DENND2A: variants seen among roughly 807,000 people sequenced by gnomAD.
DENND2A encodes DENN domain containing 2A, also known as DENN domain-containing protein 2A.
A neutral mutation model predicts 105.3 loss-of-function variants in DENND2A; 53 were observed. The observed-to-expected ratio is 0.50, with a 90% CI of 0.40 to 0.63. The LOEUF (loss-of-function observed/expected upper bound fraction) is 0.63, where lower values mean the gene tolerates loss of function less well. DENND2A is among the 30% of genes least tolerant of loss of function. DENND2A has a pLI of 0.00. For synonymous variants in DENND2A, 522 were observed against 508.4 expected (o/e 1.03, Z -0.36); for missense variants, 1,138 against 1,279.6 (o/e 0.89, Z 1.69).
At chr7:140,607,210 T>C (rs1408681451) in intron 1 of DENND2A, among the ~76,000 whole-genome samples, 1 of 152,196 alleles carries the variant, frequency 6.6e-6, no homozygotes, top group Non-Finnish European at 1.5e-5. Flanking sequence ...GGCTGCCTGA[T>C]GTCCTGGCCT....
chr7:140,602,205 TGGG>T lies in DENND2A; in HGVS notation c.190_192del (p.Pro64del). Reference sequence around the variant, plus strand: ...TCCTCCTGTCCGTCTGCTCTCCTGCTGGGTGCAGGAGTGGGCACCTCTTTCTTC... The same window carrying T: ...TCCTCCTGTCCGTCTGCTCTCCTGCTTGCAGGAGTGGGCACCTCTTTCTTC... On this transcript the variant is annotated inframe_deletion, in exon 3 of 20. Transcript: ENST00000496613. 6.2e-7 allele frequency: 1 copy of T among 1,614,184 alleles called. No homozygotes were observed. Among genetic ancestry groups the T allele is most frequent in the Admixed American group, 1.7e-5 (1 of 60,026 alleles).
chr7:140,538,707 T>G (rs1796538046), intron 14 of DENND2A, among the ~76,000 whole-genome samples: 1 of 151,974 alleles, frequency 6.6e-6, no homozygotes, highest in African/African-American at 2.4e-5. Flanking sequence ...GGTTTCACCA[T>G]GTTGGCCAGG....
At chr7:140,587,885 G>C in intron 3 of DENND2A, 105 bp from the exon 4 acceptor site, 1 of 1,195,758 alleles carries the variant, frequency 8.4e-7, no homozygotes, top group Non-Finnish European at 1.1e-6. Context: ...CTTTTTCTTA[G>C]AAAAATTGTT....
intron 14 of DENND2A, 104 bp downstream of exon 14, chr7:140,544,514 A>T (rs1411858108): frequency 4.1e-6 from 6 of 1,474,092 alleles, no homozygotes; most frequent in Non-Finnish European, 5.6e-6. Context: ...CTTATCTCAG[A>T]AGGGCTTACT....
chr7:140,628,696 C>T (rs1049179957), intron 1 of DENND2A, among the ~76,000 whole-genome samples: 12 of 151,912 alleles, frequency 7.9e-5, no homozygotes, highest in African/African-American at 2.9e-4. Flanking sequence ...TGCGCCACCA[C>T]GCCCGGCCAA....
At chr7:140,555,219 C>G (rs190333336) in intron 12 of DENND2A, among the ~76,000 whole-genome samples, 1 of 151,784 alleles carries the variant, frequency 6.6e-6, no homozygotes, top group African/African-American at 2.4e-5. Flanking sequence ...CTGCAACCTC[C>G]GCCTCCCGGG....
chr7:140,616,440 G>A (rs1421898644), intron 1 of DENND2A, among the ~76,000 whole-genome samples: 1 of 152,118 alleles, frequency 6.6e-6, no homozygotes, highest in Non-Finnish European at 1.5e-5. Flanking sequence ...GTGAGGCGGG[G>A]AAGTAAGAAG....
At position 140,638,487 on chromosome 7, in the gene DENND2A, G is replaced by A. The variant is rs564280153; in HGVS notation, c.-248+2017C>T. Among the ~76,000 whole-genome samples the A allele has an allele frequency of 2.6e-5, 4 of 152,238 alleles. No individual in the cohort carries two copies. The South Asian group carries it at 8.3e-4, about 32-fold the overall frequency. On this transcript the variant is annotated intron_variant, in intron 1 of 19. Transcript: ENST00000496613. ...AATTCTGGCCTGGGTGTTGCAAAAA[G>A]CCTTGGTCTCCTCCTCCTCCTCCAG...
At chr7:140,593,750 CCCACCCACTT>C (rs965462980) in intron 3 of DENND2A, among the ~76,000 whole-genome samples, 30 of 152,170 alleles carry the variant, frequency 2.0e-4, no homozygotes, top group Admixed American at 1.0e-3. Flanking sequence ...ATCTCTTGAA[CCCACCCACTT>C]CTCTCAGTCC....
chr7:140,530,059 CA>C (rs3042405), intron 14 of DENND2A, among the ~76,000 whole-genome samples: 391 of 122,320 alleles, frequency 3.2e-3, no homozygotes, highest in South Asian at 6.7e-3. Flanking sequence ...CCCTGTTTCT[CA>C]AAAAAAAAAA....
At chr7:140,623,278 GCAC>G (rs1563184251) in intron 1 of DENND2A, among the ~76,000 whole-genome samples, 1 of 140,222 alleles carries the variant, frequency 7.1e-6, no homozygotes, top group African/African-American at 2.7e-5. Flanking sequence ...TCATGCCACC[GCAC>G]TCCAGCCTGG....
rs751846011 is a variant in DENND2A at position 140,583,737 on chromosome 7, G to GGC, written c.1245+1851_1245+1852insGC. ...AAGGTCAGGAGATCGAGACCATCCT[G>GGC]TGAATGGTGAAACCCCGTCTCTACT... is the stretch of plus-strand genomic sequence containing the variant. On this transcript the variant is annotated intron_variant, in intron 5 of 19. Transcript: ENST00000496613. 2.6e-3 allele frequency among the ~76,000 whole-genome samples: 392 copies of GGC among 148,706 alleles called. 4 individuals carry two copies. Among genetic ancestry groups the GGC allele is most frequent in the Non-Finnish European group, 3.0e-3 (205 of 67,836 alleles).
intron 1 of DENND2A, among the ~76,000 whole-genome samples, chr7:140,615,565 C>G (rs1585761368): frequency 6.7e-6 from 1 of 149,614 alleles, no homozygotes; most frequent in Admixed American, 6.7e-5. Flanking sequence ...TGAGACGGAG[C>G]CTCGCTCTGT....
At chr7:140,525,664 G>T in intron 16 of DENND2A, 87 bp downstream of exon 16, 1 of 1,271,918 alleles carries the variant, frequency 7.9e-7, no homozygotes, top group Non-Finnish European at 1.1e-6. Context: ...CAATCCCAAA[G>T]AGCCTTTCCA....
At position 140,632,964 on chromosome 7, in the gene DENND2A, C is replaced by T. The variant is rs1294534274; in HGVS notation, c.-248+7540G>A. Among the ~76,000 whole-genome samples, 11 of 147,740 alleles carry T rather than the reference C, an allele frequency of 7.4e-5. No individual in the cohort carries two copies. The South Asian group carries it at 1.1e-3, about 15-fold the overall frequency. ...GCAACCTCCACCTCCTGGGTTCAAG[C>T]GATTCTCCTGCCTCAGCCTCCTGAG... On this transcript the variant is annotated intron_variant, in intron 1 of 19. Coordinates refer to ENST00000496613, the MANE Select transcript of DENND2A (RefSeq NM_015689.5).
At chr7:140,619,500 C>CT (rs57839820) in intron 1 of DENND2A, among the ~76,000 whole-genome samples, 218 of 144,628 alleles carry the variant, frequency 1.5e-3, no homozygotes, top group East Asian at 2.6e-3. Context: ...AAACTCTGCA[C>CT]TTTTTTTTTT....
chr7:140,582,982 T>C (rs1264034934), intron 5 of DENND2A, among the ~76,000 whole-genome samples: 1 of 152,102 alleles, frequency 6.6e-6, no homozygotes, highest in East Asian at 1.9e-4. Context: ...TATAATCTAG[T>C]TGGGGAGATG....
At chr7:140,525,721 G>C in intron 16 of DENND2A, 30 bp downstream of exon 16, 2 of 1,594,798 alleles carry the variant, frequency 1.3e-6, no homozygotes, top group Non-Finnish European at 1.7e-6. Context: ...AAGACAAAGG[G>C]AGCAGGAGGC....
Position 140,522,062 on chromosome 7 carries a change from C to T in DENND2A, c.2704G>A (p.Ala902Thr). Reference protein sequence around the residue: ...SSPLNEVVSEAFVRFFVEIVG... With the variant: ...SSPLNEVVSETFVRFFVEIVG... ...ATCTCCACGAAGAAGCGGACAAAGGCTTCAGACACCACCTCGTTCAAGGGG... is the reference window on the plus strand; with the variant it reads ...ATCTCCACGAAGAAGCGGACAAAGGTTTCAGACACCACCTCGTTCAAGGGG... The change falls in exon 18 of 20, where the codon GCC becomes ACC. Residue 902 changes from alanine (A) to threonine (T), a missense_variant. By Grantham distance (58) the Ala-to-Thr change is moderately conservative (BLOSUM62 0). Around this residue, in one of 2 missense-constraint regions of DENND2A, gnomAD observed 627 missense variants for 779.8 expected, o/e 0.80. Transcript: ENST00000496613. 4 of 1,614,162 alleles carry T rather than the reference C, an allele frequency of 2.5e-6. No individual in the cohort carries two copies. In the South Asian group the frequency reaches 4.4e-5, roughly 18 times the overall value.
Sources: allele counts gnomAD v4.1 joint callset (sites outside exome capture counted in the v4.1 genomes callset), GRCh38; gene constraint gnomAD v4.1.1; regional missense constraint gnomAD v4.1.1; transcripts MANE v1.5; gene names NCBI Gene and HGNC (gene_info 2026-07-23, HGNC 2026-07-21).